SLC17A1: variants seen among roughly 807,000 people sequenced by gnomAD.
SLC17A1 encodes the protein solute carrier family 17 member 1.
SLC17A1 carries 51 observed loss-of-function variants against 53.5 expected under a neutral mutation model. That is an observed-to-expected ratio of 0.95 (90% CI 0.76 to 1.20). The LOEUF (loss-of-function observed/expected upper bound fraction) is 1.20. Among genes scored for constraint, SLC17A1 ranks in the 50% most tolerant of loss-of-function variants. SLC17A1 has a pLI of 0.00. For synonymous variants in SLC17A1, 179 were observed against 198.8 expected (o/e 0.90, Z 0.84); for missense variants, 538 against 568.2 (o/e 0.95, Z 0.54).
intron 6 of SLC17A1, among the ~76,000 whole-genome samples, chr6:25,814,852 T>G (rs1165195): frequency 0.66 from 100,547 of 151,576 alleles, 35,147 homozygotes; most frequent in African/African-American, 0.88. Context: ...CGGGCGTAGC[T>G]ATGTGCCCCT....
At chr6:25,724,389 C>T in the SLC17A1 span, among the ~76,000 whole-genome samples, 4 of 152,218 alleles carry the variant, frequency 2.6e-5, no homozygotes, top group Admixed American at 6.5e-5. Context: ...CGCCACTGCA[C>T]TCCAGCCTGG....
the SLC17A1 span, chr6:25,726,119 T>A: frequency 2.0e-6 from 3 of 1,509,224 alleles, no homozygotes; most frequent in East Asian, 6.8e-5. Context: ...TTTTTACCAA[T>A]GACAACCTTA....
rs1045026539 is a variant in SLC17A1 at position 25,811,833 on chromosome 6, T to C, written c.898-63A>G. ...GGTAAAGCAGTACTGACACACAGAG[T>C]AATCCCTATGCTAAAATTTATTATC... On this transcript the variant is annotated intron_variant, in intron 8 of 12. Coordinates refer to ENST00000244527, the MANE Select transcript of SLC17A1 (RefSeq NM_005074.5). 3.9e-6 allele frequency: 6 copies of C among 1,546,134 alleles called. No individual in the cohort carries two copies. The Admixed American group carries it at 5.2e-5, about 13-fold the overall frequency.
At chr6:25,725,906 CA>C in the SLC17A1 span, among the ~76,000 whole-genome samples, 1 of 152,100 alleles carries the variant, frequency 6.6e-6, no homozygotes, top group African/African-American at 2.4e-5. Context: ...CATATATAAC[CA>C]AAATTACCTC....
At chr6:25,802,374 T>G (rs1448873233) in intron 10 of SLC17A1, among the ~76,000 whole-genome samples, 1 of 152,218 alleles carries the variant, frequency 6.6e-6, no homozygotes, top group Non-Finnish European at 1.5e-5. Flanking sequence ...GTATTATTGT[T>G]TTCATTTTGC....
At chr6:25,726,964 C>T in the SLC17A1 span, 42 of 1,613,978 alleles carry the variant, frequency 2.6e-5, 1 homozygote, top group Admixed American at 1.5e-4. Context: ...TTTAAGAAAG[C>T]TGTCGTTAAG....
intron 10 of SLC17A1, among the ~76,000 whole-genome samples, chr6:25,808,100 C>T (rs749905349): frequency 6.6e-6 from 1 of 152,062 alleles, no homozygotes; most frequent in Non-Finnish European, 1.5e-5. Context: ...AAAGGTGTTC[C>T]CTTTTCACCA....
At chr6:25,779,354 G>A (rs374642639), downstream of SLC17A1, 10 of 860,058 alleles carry the variant, frequency 1.2e-5, no homozygotes, top group East Asian at 8.3e-5. Flanking sequence ...AAGAAAACAC[G>A]CTAGTTATTT....
chr6:25,823,112 A>G (rs1406742032), intron 3 of SLC17A1, among the ~76,000 whole-genome samples: 3 of 151,970 alleles, frequency 2.0e-5, no homozygotes, highest in Non-Finnish European at 2.9e-5. Flanking sequence ...AGTTTTATCT[A>G]TGTTGTTCTT....
the SLC17A1 span, among the ~76,000 whole-genome samples, chr6:25,728,418 G>T: frequency 6.6e-6 from 1 of 152,148 alleles, no homozygotes; most frequent in African/African-American, 2.4e-5. Flanking sequence ...TTACTTCCTG[G>T]AAACCTGTGG....
At chr6:25,744,519 C>G in the SLC17A1 span, among the ~76,000 whole-genome samples, 1 of 151,884 alleles carries the variant, frequency 6.6e-6, no homozygotes, top group Non-Finnish European at 1.5e-5. Context: ...TTAAACACCA[C>G]CATTATTAAA....
intron 10 of SLC17A1, among the ~76,000 whole-genome samples, chr6:25,803,538 T>C (rs757539143): frequency 3.3e-5 from 5 of 152,168 alleles, no homozygotes; most frequent in Non-Finnish European, 7.3e-5. Flanking sequence ...GTCACACTTA[T>C]TATATCTCTA....
the SLC17A1 span, among the ~76,000 whole-genome samples, chr6:25,766,220 T>C: frequency 6.6e-6 from 1 of 151,384 alleles, no homozygotes; most frequent in Non-Finnish European, 1.5e-5. Flanking sequence ...AAGAAAAAAT[T>C]ATACATGTCA....
At chr6:25,829,436 A>G (rs1204102394) in intron 2 of SLC17A1, among the ~76,000 whole-genome samples, 4 of 152,214 alleles carry the variant, frequency 2.6e-5, no homozygotes, top group Non-Finnish European at 5.9e-5. Context: ...TTTGCTGCCT[A>G]AACTCAGTAT....
At chr6:25,769,306 CAGGA>C in the SLC17A1 span, 9 of 982,800 alleles carry the variant, frequency 9.2e-6, no homozygotes, top group Non-Finnish European at 1.2e-5. Context: ...TACTATGTGC[CAGGA>C]ATGGCACAAG....
At chr6:25,761,430 A>G in the SLC17A1 span, among the ~76,000 whole-genome samples, 12 of 152,148 alleles carry the variant, frequency 7.9e-5, no homozygotes, top group African/African-American at 2.9e-4. Context: ...ACCCAATCTC[A>G]TGGTCACTGA....
At chr6:25,805,562 T>C (rs1763923565) in intron 10 of SLC17A1, among the ~76,000 whole-genome samples, 1 of 151,608 alleles carries the variant, frequency 6.6e-6, no homozygotes, top group Non-Finnish European at 1.5e-5. Context: ...AGAATCACAG[T>C]ACAAAAGATC....
chr6:25,812,257 C>A (rs78084984), intron 8 of SLC17A1, among the ~76,000 whole-genome samples: 1 of 152,144 alleles, frequency 6.6e-6, no homozygotes, highest in East Asian at 1.9e-4. Flanking sequence ...TTACAGAATG[C>A]GGCAAAGTGG....
At chr6:25,752,228 G>A in the SLC17A1 span, among the ~76,000 whole-genome samples, 2 of 152,220 alleles carry the variant, frequency 1.3e-5, no homozygotes, top group African/African-American at 4.8e-5. Flanking sequence ...TATACACCTA[G>A]GTTATGTGGT....
Sources: gnomAD v4.1 joint callset for allele counts (sites outside exome capture counted in the v4.1 genomes callset) on GRCh38, gnomAD v4.1.1 for gene constraint, MANE v1.5 for transcripts, NCBI Gene and HGNC (gene_info 2026-07-23, HGNC 2026-07-21) for gene names.